Variants in PCDHA8 observed in about 807,000 individuals in gnomAD.
PCDHA8 encodes protocadherin alpha 8.
A neutral mutation model predicts 61.8 loss-of-function variants in PCDHA8; 53 were observed. The ratio of observed to expected loss-of-function variants is 0.86; its 90% CI spans 0.69 to 1.08. The LOEUF (loss-of-function observed/expected upper bound fraction) is 1.08. Among genes scored for constraint, PCDHA8 ranks in the 50% least tolerant of loss-of-function variants. PCDHA8 has a pLI of 0.00. For missense variants in PCDHA8, 1,293 were observed against 1,245.0 expected (o/e 1.04, Z -0.58); for synonymous variants, 618 against 556.6 (o/e 1.11, Z -1.55).
At chr5:140,949,783 G>A (rs1181020228) in intron 1 of PCDHA8, among the ~76,000 whole-genome samples, 1 of 151,784 alleles carries the variant, frequency 6.6e-6, no homozygotes, top group Non-Finnish European at 1.5e-5. Context: ...GATATGTTTA[G>A]ATTTGTGTCC....
chr5:140,847,939 G>A (rs2150405310), intron 1 of PCDHA8: 7 of 151,270 alleles, frequency 4.6e-5, no homozygotes, highest in African/African-American at 1.7e-4. Flanking sequence ...TGCAACTCCT[G>A]GATTTCTCTT....
Position 140,931,003 on chromosome 5 carries a change from A to G in PCDHA8, c.2395-47946A>G, listed in dbSNP as rs2087240942. On this transcript the variant is annotated intron_variant, in intron 1 of 3. Coordinates refer to ENST00000531613, the MANE Select transcript of PCDHA8 (RefSeq NM_018911.3). The stretch of plus-strand genomic sequence containing the variant: ...CTTCCTCATGACCTACACTAATAAC[A>G]TAACAGAGGAATTTTCTGATTGTAG... Among the ~76,000 whole-genome samples the G allele has an allele frequency of 2.0e-5, 3 of 152,232 alleles. No homozygotes were observed. The South Asian group carries it at 6.2e-4, about 32-fold the overall frequency.
chr5:140,913,100 A>G (rs2076204390), intron 1 of PCDHA8, among the ~76,000 whole-genome samples: 1 of 152,186 alleles, frequency 6.6e-6, no homozygotes, highest in Non-Finnish European at 1.5e-5. Flanking sequence ...TACTGGCCTC[A>G]TAGAATCAGT....
chr5:140,862,460 A>G (rs1554156366), intron 1 of PCDHA8: 2 of 368,076 alleles, frequency 5.4e-6, no homozygotes, highest in African/African-American at 2.1e-5. Context: ...CCCTGGACCA[A>G]GAGAGCAAAT....
Position 140,841,873 on chromosome 5 carries a change from A to T in PCDHA8, c.552A>T (p.Ser184=). 6.2e-7 allele frequency: 1 copy of T among 1,613,866 alleles called. No individual in the cohort carries two copies. Among genetic ancestry groups the T allele is most frequent in the Non-Finnish European group, 8.5e-7 (1 of 1,179,830 alleles). Residue 184 remains serine, a synonymous_variant, in exon 1 of 4, where the codon TCA becomes TCT. Transcript: ENST00000531613. ...ATTACTTCATGCTAGATGTGAATTC[A>T]AAGAACGATGAGAATAAACTGGTTG... The part of the protein sequence containing the change: ...SHDYFMLDVN[S]KNDENKLVEL...
chr5:140,904,156 G>C (rs1554191312), intron 1 of PCDHA8, among the ~76,000 whole-genome samples: 1 of 152,028 alleles, frequency 6.6e-6, no homozygotes, highest in Non-Finnish European at 1.5e-5. Flanking sequence ...ATTGCACCCA[G>C]TTTGTAGTCT....
At chr5:140,876,192 G>A (rs782181168) in intron 1 of PCDHA8, 6 of 1,613,732 alleles carry the variant, frequency 3.7e-6, no homozygotes, top group African/African-American at 1.3e-5. Context: ...ACAATGGTCC[G>A]GCGTTTGATA....
intron 1 of PCDHA8, chr5:140,866,579 G>A (rs2049440989): frequency 6.6e-6 from 1 of 152,136 alleles, no homozygotes; most frequent in African/African-American, 2.4e-5. Context: ...ACAGTGGTTG[G>A]ATAATGTAAT....
intron 1 of PCDHA8, chr5:140,968,325 C>T (rs148804197): frequency 1.2e-6 from 2 of 1,613,988 alleles, no homozygotes; most frequent in African/African-American, 2.7e-5. Context: ...CCAGTCACCT[C>T]CTATGTCTCC....
At chr5:140,920,381 A>G (rs887594411) in intron 1 of PCDHA8, among the ~76,000 whole-genome samples, 1 of 152,164 alleles carries the variant, frequency 6.6e-6, no homozygotes, top group Non-Finnish European at 1.5e-5. Flanking sequence ...GTGGATTCAT[A>G]TTACCATCTG....
At chr5:140,867,109 A>G (rs2049756406) in intron 1 of PCDHA8, 3 of 152,146 alleles carry the variant, frequency 2.0e-5, no homozygotes, top group South Asian at 2.1e-4. Context: ...CTAAATTAAC[A>G]TATTGTTTTA....
intron 1 of PCDHA8, among the ~76,000 whole-genome samples, chr5:140,904,904 C>A (rs1463349424): frequency 6.6e-6 from 1 of 151,948 alleles, no homozygotes; most frequent in Non-Finnish European, 1.5e-5. Context: ...GTTTTTCTTA[C>A]TGATTTGTTT....
intron 3 of PCDHA8, among the ~76,000 whole-genome samples, chr5:141,009,035 G>A (rs1455230382): frequency 2.6e-5 from 4 of 152,106 alleles, no homozygotes; most frequent in Non-Finnish European, 2.9e-5. Flanking sequence ...TTCCCATCCC[G>A]TTCCCAGTCA....
intron 1 of PCDHA8, chr5:140,870,259 T>G: frequency 6.2e-7 from 1 of 1,614,190 alleles, no homozygotes; most frequent in African/African-American, 1.3e-5. Flanking sequence ...ACAGGTGACC[T>G]GCTCGCTGAC....
intron 1 of PCDHA8, chr5:140,867,034 G>C (rs1398561687): frequency 6.6e-6 from 1 of 152,106 alleles, no homozygotes; most frequent in Non-Finnish European, 1.5e-5. Context: ...ACTCTTTTAT[G>C]ACTTGGCGTT....
At chr5:140,852,888 T>A in intron 1 of PCDHA8, 1 of 920,092 alleles carries the variant, frequency 1.1e-6, no homozygotes. Context: ...AAAACGTATT[T>A]TTTTTTTTGA....
At position 140,946,631 on chromosome 5, in the gene PCDHA8, T is replaced by TATATATATATATATATACAC. The variant is rs57893927; in HGVS notation, c.2395-32317_2395-32316insTATATATATATATATACACA. 2.9e-4 allele frequency among the ~76,000 whole-genome samples: 38 copies of TATATATATATATATATACAC among 131,846 alleles called. No individual in the cohort carries two copies. The East Asian group carries it at 4.9e-3, about 17-fold the overall frequency. The allele number at this position is 131,846 out of a possible 152,430, so 86.5% of individuals were successfully genotyped here. A position where few individuals can be genotyped will look rare whatever the true frequency, so the allele number is the denominator to read the frequency against. On this transcript the variant is annotated intron_variant, in intron 1 of 3. Transcript: ENST00000531613. ...TGTGAAATATATATATATATATATATACAATGGAATACTCATCAGCCATTA... is the reference window on the plus strand; with the variant it reads ...TGTGAAATATATATATATATATATATATATATATATATATATACACACAATGGAATACTCATCAGCCATTA...
intron 1 of PCDHA8, among the ~76,000 whole-genome samples, chr5:140,854,875 T>A (rs2150323966): frequency 6.7e-6 from 1 of 150,054 alleles, no homozygotes; most frequent in African/African-American, 2.4e-5. Context: ...CAGAACTGTG[T>A]CTTTTGGGCA....
intron 1 of PCDHA8, chr5:140,928,603 C>A: frequency 1.2e-6 from 2 of 1,614,208 alleles, no homozygotes; most frequent in South Asian, 2.2e-5. Flanking sequence ...GGAAATTGTG[C>A]CCCGCTCTGC....
Sources: allele counts gnomAD v4.1 joint callset (sites outside exome capture counted in the v4.1 genomes callset), GRCh38; gene constraint gnomAD v4.1.1; transcripts MANE v1.5; gene names NCBI Gene and HGNC (gene_info 2026-07-23, HGNC 2026-07-21).